The following CCDC146 variants were observed in gnomAD, a reference collection of about 807,000 sequenced individuals.
The protein encoded by CCDC146 is coiled-coil domain containing 146.
In CCDC146, 92 loss-of-function variants were observed where a neutral mutation model predicts 119.3. The observed-to-expected ratio is 0.77, with a 90% CI of 0.65 to 0.92. CCDC146 has a LOEUF of 0.92. Ranked by LOEUF, CCDC146 falls within the 40% of genes least tolerant of loss-of-function variation. CCDC146 has a pLI of 0.00. For missense variants in CCDC146, 1,000 were observed against 1,103.0 expected, an observed-to-expected ratio of 0.91 and a Z score of 1.32; for synonymous variants, 372 against 371.8, an observed-to-expected ratio of 1.00 and a Z score of -0.01.
At chr7:77,203,781 C>T (rs538189833) in intron 2 of CCDC146, among the ~76,000 whole-genome samples, 1 of 152,316 alleles carries the variant, frequency 6.6e-6, no homozygotes, top group East Asian at 1.9e-4. Context: ...AGCACTGACA[C>T]ATTACACTCA....
chr7:77,260,157 A>G lies in CCDC146; in HGVS notation c.907A>G (p.Ile303Val), dbSNP rs1365257420. ...TGAAGGCAAACGAGCCTTACTTGAA[A>G]TCAAAGAACGAGAACATAACCAATT... is the stretch of plus-strand genomic sequence containing the variant. ...EVEGKRALLE[I>V]KEREHNQLVK... is the part of the protein sequence containing the mutation. Residue 303 changes from isoleucine (I) to valine (V), a missense_variant, in exon 8 of 19, where the codon ATC becomes GTC. By Grantham distance (29) the Ile-to-Val change is conservative. Transcript: ENST00000285871. 6.2e-7 allele frequency: 1 copy of G among 1,614,174 alleles called. No homozygotes were observed. Among genetic ancestry groups the G allele is most frequent in the Non-Finnish European group, 8.5e-7 (1 of 1,180,034 alleles).
intron 1 of CCDC146, among the ~76,000 whole-genome samples, chr7:77,159,247 CT>C (rs1791222485): frequency 6.6e-6 from 1 of 151,968 alleles, no homozygotes; most frequent in East Asian, 1.9e-4. Context: ...TCTAGTAGAT[CT>C]TCAAAACTTA....
Position 77,262,132 on chromosome 7 carries a change from A to G in CCDC146, c.998A>G (p.Asp333Gly), listed in dbSNP as rs1410620389. 6.2e-7 allele frequency: 1 copy of G among 1,601,764 alleles called. No homozygotes were observed. Among genetic ancestry groups the G allele is most frequent in the Admixed American group, 1.7e-5 (1 of 57,770 alleles). ...ATSLTERGIL[D>G]LNLRNSLIDK... ...TTTACCTGGAACAGAGGGATCTTGGATCTCAATTTACGCAACAGTCTCATT... is the reference window on the plus strand; with the variant it reads ...TTTACCTGGAACAGAGGGATCTTGGGTCTCAATTTACGCAACAGTCTCATT... The change falls in exon 9 of 19, where the codon GAT becomes GGT. Residue 333 changes from aspartate (D) to glycine (G), a missense_variant. This residue lies in a region of CCDC146 where 985 missense variants were observed against 1,045.3 expected (regional missense o/e 0.94). Transcript: ENST00000285871.
At chr7:77,187,030 G>C (rs1421183326) in intron 2 of CCDC146, among the ~76,000 whole-genome samples, 1 of 152,124 alleles carries the variant, frequency 6.6e-6, no homozygotes, top group African/African-American at 2.4e-5. Flanking sequence ...CTAGGTTACT[G>C]TTCATCCACA....
intron 16 of CCDC146, 187 bp downstream of exon 16, chr7:77,287,113 C>A: frequency 1.4e-6 from 1 of 718,158 alleles, no homozygotes; most frequent in Non-Finnish European, 2.3e-6. Context: ...AAAAGAAGTT[C>A]CAATCCAGTG....
At chr7:77,284,446 C>T (rs1268497800) in intron 15 of CCDC146, among the ~76,000 whole-genome samples, 2 of 151,974 alleles carry the variant, frequency 1.3e-5, no homozygotes, top group Admixed American at 1.3e-4. Flanking sequence ...TTGTCTCTCT[C>T]CAGCTTTTTC....
chr7:77,204,632 G>A (rs114046358), intron 2 of CCDC146, among the ~76,000 whole-genome samples: 3,909 of 152,204 alleles, frequency 0.026, 151 homozygotes, highest in African/African-American at 0.088. Flanking sequence ...AGTATCCAGG[G>A]CTTCTCAGAT....
At chr7:77,283,678 T>TCAAAAA (rs1793801738) in intron 15 of CCDC146, among the ~76,000 whole-genome samples, 1 of 152,188 alleles carries the variant, frequency 6.6e-6, no homozygotes, top group African/African-American at 2.4e-5. Context: ...GTCATTTATT[T>TCAAAAA]TCTAGGTATA....
chr7:77,281,211 G>A (rs1249512338), intron 14 of CCDC146, among the ~76,000 whole-genome samples: 1 of 151,986 alleles, frequency 6.6e-6, no homozygotes, highest in Non-Finnish European at 1.5e-5. Flanking sequence ...GAAGATCAAT[G>A]TCCTTTCCTA....
rs754618320 is a variant in CCDC146, at chr7:77,256,428, AGATTT to A, written c.605_609del (p.Asp202GlyfsTer3). 1 of 1,608,268 alleles carries A rather than the reference AGATTT, an allele frequency of 6.2e-7. No homozygotes were observed. The highest frequency in any genetic ancestry group is 8.5e-7 in the Non-Finnish European group (1 of 1,177,788). The stretch of plus-strand genomic sequence containing the variant: ...AATTAGAAATTAAAAATTTACGAGA[AGATTT>A]GGCATCTAAACAAAAGCAATTATTA... On this transcript the variant is annotated frameshift_variant, in exon 6 of 19. Coordinates refer to ENST00000285871, the MANE Select transcript of CCDC146 (RefSeq NM_020879.3).
In CCDC146 at chr7:77,213,015, T is replaced by C. The variant is rs139122825; in HGVS notation, c.157-23932T>C. Among the ~76,000 whole-genome samples the C allele has an allele frequency of 1.3e-3, 197 of 151,806 alleles. 1 individual carries two copies. The highest frequency in any genetic ancestry group is 4.5e-3 in the African/African-American group (188 of 41,342). On this transcript the variant is annotated intron_variant, in intron 2 of 18. Coordinates refer to ENST00000285871, the MANE Select transcript of CCDC146 (RefSeq NM_020879.3). ...TGGTGCCATCAACTTTGTTTTTTGT[T>C]GTTGTTCAAGTTTTTATTAAATTTT...
intron 2 of CCDC146, among the ~76,000 whole-genome samples, chr7:77,173,431 C>T (rs1791455434): frequency 6.6e-6 from 1 of 152,010 alleles, no homozygotes; most frequent in South Asian, 2.1e-4. Context: ...GGGTTCCAGA[C>T]CAGCCTGGCC....
chr7:77,279,236 C>T, intron 13 of CCDC146, 135 bp downstream of exon 13: 3 of 666,446 alleles, frequency 4.5e-6, no homozygotes, highest in Admixed American at 6.7e-5. Flanking sequence ...TGCCCTCCAG[C>T]CTGGGTGACA....
chr7:77,163,057 T>C (rs11982761), intron 1 of CCDC146, among the ~76,000 whole-genome samples: 192 of 152,344 alleles, frequency 1.3e-3, no homozygotes, highest in Admixed American at 4.8e-3. Flanking sequence ...ATGGTACTTA[T>C]CATTTGTTGC....
At chr7:77,263,946 A>C (rs932290316) in intron 9 of CCDC146, among the ~76,000 whole-genome samples, 1 of 152,206 alleles carries the variant, frequency 6.6e-6, no homozygotes, top group Non-Finnish European at 1.5e-5. Flanking sequence ...GAAGTTTTCT[A>C]TCTCAGTGAG....
intron 9 of CCDC146, among the ~76,000 whole-genome samples, chr7:77,271,513 GATATATATATATATATATATAT>G (rs56661430): frequency 0.081 from 5,754 of 71,236 alleles, 365 homozygotes; most frequent in Admixed American, 0.11. Context: ...ACTAATAGGA[GATATATATATATATATATATAT>G]ATATATATAT....
At chr7:77,211,421 C>T (rs1186652844) in intron 2 of CCDC146, among the ~76,000 whole-genome samples, 1 of 151,926 alleles carries the variant, frequency 6.6e-6, no homozygotes, top group Non-Finnish European at 1.5e-5. Flanking sequence ...ATGTTTAGTC[C>T]TCTATCTGTT....
At chr7:77,291,812 T>A (rs1793949072) in intron 17 of CCDC146, among the ~76,000 whole-genome samples, 2 of 152,356 alleles carry the variant, frequency 1.3e-5, no homozygotes, top group South Asian at 4.1e-4. Flanking sequence ...CTAGTAATGA[T>A]GCACACCAGG....
At position 77,293,916 on chromosome 7, in the gene CCDC146, A is replaced by G. The variant is rs756173458; in HGVS notation, c.2664+716A>G. Among the ~76,000 whole-genome samples the G allele has an allele frequency of 1.4e-4, 21 of 152,344 alleles. No homozygotes were observed. The South Asian group carries it at 1.7e-3, about 12-fold the overall frequency. On this transcript the variant is annotated intron_variant, in intron 18 of 18. Coordinates refer to ENST00000285871, the MANE Select transcript of CCDC146 (RefSeq NM_020879.3). ...AACTCAAGACAAAACTGCATTCAGAACACACTAGGAATACCTGAGCACAAG... is the reference window on the plus strand; with the variant it reads ...AACTCAAGACAAAACTGCATTCAGAGCACACTAGGAATACCTGAGCACAAG...
Sources: allele counts gnomAD v4.1 joint callset (sites outside exome capture counted in the v4.1 genomes callset), GRCh38; gene constraint gnomAD v4.1.1; regional missense constraint gnomAD v4.1.1; transcripts MANE v1.5; gene names NCBI Gene and HGNC (gene_info 2026-07-23, HGNC 2026-07-21).